TMCC1: variants seen among roughly 807,000 people sequenced by gnomAD.
TMCC1 encodes transmembrane and coiled-coil domains protein 1.
Under a neutral mutation model 52.4 loss-of-function variants are expected in TMCC1, and 15 were observed. That is an observed-to-expected ratio of 0.29 (90% CI 0.19 to 0.44). The LOEUF (loss-of-function observed/expected upper bound fraction) is 0.44, where lower values mean the gene tolerates loss of function less well. Ranked by LOEUF, TMCC1 falls within the 20% of genes least tolerant of loss-of-function variation. TMCC1 has a pLI of 1.00. For synonymous variants in TMCC1, 279 were observed against 301.9 expected, an observed-to-expected ratio of 0.92 and a Z score of 0.79; for missense variants, 503 against 806.0, an observed-to-expected ratio of 0.62 and a Z score of 4.55.
In TMCC1 at chr3:129,671,180, C is replaced by G. The variant is rs1202429462; in HGVS notation, c.661G>C (p.Val221Leu). The G allele has an allele frequency of 6.2e-7, 1 of 1,614,188 alleles. No homozygotes were observed. Residue 221 changes from valine (V) to leucine (L), a missense_variant, in exon 5 of 7, where the codon GTG becomes CTG. Transcript: ENST00000393238. ...CGCTGAGGGTCTGGTGTTCCATCCA[C>G]AGAGTCTGTGTGGATGCTGCCATCG... is the stretch of plus-strand genomic sequence containing the variant. Reference protein sequence around the residue: ...STDGSIHTDSVDGTPDPQRTK... With the variant: ...STDGSIHTDSLDGTPDPQRTK...
chr3:129,752,455 C>T (rs1232211272), intron 4 of TMCC1, among the ~76,000 whole-genome samples: 1 of 152,138 alleles, frequency 6.6e-6, no homozygotes, highest in Non-Finnish European at 1.5e-5. Context: ...AAATATATCC[C>T]AATTCCCCAG....
In TMCC1 at chr3:129,671,070, G is replaced by C; in HGVS notation, c.771C>G (p.Asp257Glu). ...CAAGCTTCAAGTATTCAGCAACGTT[G>C]TCGTCCCGGGCTGTTTGTGCAATCT... is the stretch of plus-strand genomic sequence containing the variant. ...QIKIAQTARD[D>E]NVAEYLKLAN... Residue 257 changes from aspartate (D) to glutamate (E), a missense_variant, in exon 5 of 7, where the codon GAC (aspartate) becomes GAG (glutamate). Coordinates refer to ENST00000393238, the MANE Select transcript of TMCC1 (RefSeq NM_001017395.5). 6.2e-7 allele frequency: 1 copy of C among 1,614,190 alleles called. No individual in the cohort carries two copies. The highest frequency in any genetic ancestry group is 8.5e-7 in the Non-Finnish European group (1 of 1,180,026).
At chr3:129,757,442 T>A (rs1269985308) in intron 4 of TMCC1, among the ~76,000 whole-genome samples, 1 of 152,194 alleles carries the variant, frequency 6.6e-6, no homozygotes, top group Non-Finnish European at 1.5e-5. Flanking sequence ...CACCTGAATA[T>A]AACCCTTCCC....
intron 5 of TMCC1, among the ~76,000 whole-genome samples, chr3:129,656,005 A>C (rs13088928): frequency 9.2e-5 from 14 of 152,352 alleles, no homozygotes; most frequent in East Asian, 7.7e-4. Flanking sequence ...ATGTTGGAGG[A>C]AAAAATGGGA....
At chr3:129,739,592 T>C (rs957386768) in intron 4 of TMCC1, among the ~76,000 whole-genome samples, 1 of 152,214 alleles carries the variant, frequency 6.6e-6, no homozygotes, top group African/African-American at 2.4e-5. Flanking sequence ...CCTGACTTGA[T>C]ACTGGAAGAG....
At chr3:129,660,092 C>T (rs2086922106) in intron 5 of TMCC1, among the ~76,000 whole-genome samples, 1 of 152,208 alleles carries the variant, frequency 6.6e-6, no homozygotes, top group Non-Finnish European at 1.5e-5. Flanking sequence ...TTGACTGCCA[C>T]ATAGTCTTAC....
intron 4 of TMCC1, among the ~76,000 whole-genome samples, chr3:129,780,110 T>C (rs1161695572): frequency 6.6e-6 from 1 of 152,144 alleles, no homozygotes; most frequent in Non-Finnish European, 1.5e-5. Context: ...TATCACCCTG[T>C]CATCTAACGT....
chr3:129,679,539 C>CAA (rs1560174064), intron 4 of TMCC1, among the ~76,000 whole-genome samples: 30 of 152,182 alleles, frequency 2.0e-4, no homozygotes, highest in African/African-American at 6.7e-4. Flanking sequence ...CTCCTGACCT[C>CAA]GTGATCCGCC....
intron 2 of TMCC1, chr3:129,860,981 C>T (rs1313580141): frequency 1.3e-5 from 2 of 152,184 alleles, no homozygotes; most frequent in Non-Finnish European, 2.9e-5. Flanking sequence ...CAAGCATGCT[C>T]TTCCAACCAT....
At chr3:129,753,613 C>A (rs963950308) in intron 4 of TMCC1, among the ~76,000 whole-genome samples, 22 of 152,206 alleles carry the variant, frequency 1.4e-4, no homozygotes, top group Admixed American at 3.9e-4. Flanking sequence ...GATGTTATAT[C>A]AATAGATGCA....
intron 4 of TMCC1, among the ~76,000 whole-genome samples, chr3:129,809,023 G>C (rs746170642): frequency 2.5e-4 from 37 of 150,402 alleles, no homozygotes; most frequent in Admixed American, 2.0e-3. Context: ...CAGATCACGA[G>C]GTCAGGAGAT....
intron 4 of TMCC1, among the ~76,000 whole-genome samples, chr3:129,753,283 C>A (rs1252062527): frequency 6.6e-6 from 1 of 152,130 alleles, no homozygotes; most frequent in Non-Finnish European, 1.5e-5. Context: ...TTATATATAT[C>A]CAATCTTCCA....
chr3:129,759,710 C>CTTTTT (rs61519484), intron 4 of TMCC1, among the ~76,000 whole-genome samples: 1 of 37,222 alleles, frequency 2.7e-5, no homozygotes, highest in African/African-American at 1.1e-4. Context: ...GCCAGCCAAA[C>CTTTTT]TTTTTTTTTT....
At chr3:129,671,698 T>C (rs1361626946) in intron 4 of TMCC1, among the ~76,000 whole-genome samples, 2 of 152,230 alleles carry the variant, frequency 1.3e-5, no homozygotes, top group African/African-American at 2.4e-5. Flanking sequence ...GTAATTCTGA[T>C]CCACACTTAT....
At chr3:129,803,828 AAAT>A (rs911929084) in intron 4 of TMCC1, among the ~76,000 whole-genome samples, 11 of 152,182 alleles carry the variant, frequency 7.2e-5, no homozygotes, top group African/African-American at 2.7e-4. Context: ...TAATTAAAAA[AAAT>A]AATTATTTTA....
chr3:129,818,434 TTTTAAAGAAAAGTTTTA>T, intron 4 of TMCC1, among the ~76,000 whole-genome samples: 2 of 146,780 alleles, frequency 1.4e-5, no homozygotes, highest in African/African-American at 5.0e-5. Flanking sequence ...TTAAAGAAAC[TTTTAAAGAAAAGTTTTA>T]AAGAAACTTT....
At position 129,685,005 on chromosome 3, in the gene TMCC1, G is replaced by A. The variant is rs192942693; in HGVS notation, c.577-13741C>T. 1.1e-4 allele frequency among the ~76,000 whole-genome samples: 17 copies of A among 152,278 alleles called. No homozygotes were observed. The East Asian group carries it at 3.3e-3, about 29-fold the overall frequency. Reference sequence around the variant, plus strand: ...AAACATGGAAATGATCAACTGAAATGCAGGTCCAATTAAATAAATGACACA... The same window carrying A: ...AAACATGGAAATGATCAACTGAAATACAGGTCCAATTAAATAAATGACACA... On this transcript the variant is annotated intron_variant, in intron 4 of 6. Transcript: ENST00000393238.
chr3:129,884,105 C>T lies in TMCC1; in HGVS notation c.-434-3546G>A, dbSNP rs371848105. Among the ~76,000 whole-genome samples, 26 of 152,186 alleles carry T rather than the reference C, an allele frequency of 1.7e-4. 1 individual carries two copies. In the South Asian group the frequency reaches 5.4e-3, roughly 32 times the overall value. ...ATTAAAGTCTTCAGATGTCCAAATA[C>T]TAAAAGGATTCATTGTCAGCAAATG... On this transcript the variant is annotated intron_variant, in intron 1 of 6. Transcript: ENST00000393238.
chr3:129,707,046 G>T (rs1013831770), intron 4 of TMCC1, among the ~76,000 whole-genome samples: 2 of 152,112 alleles, frequency 1.3e-5, no homozygotes, highest in African/African-American at 4.8e-5. Context: ...GAATGACTGG[G>T]CAGCGTAGAA....
Sources: allele counts gnomAD v4.1 joint callset (sites outside exome capture counted in the v4.1 genomes callset), GRCh38; gene constraint gnomAD v4.1.1; transcripts MANE v1.5; gene names NCBI Gene and HGNC (gene_info 2026-07-23, HGNC 2026-07-21).